The following EXOC6B variants were observed in gnomAD, a reference collection of about 807,000 sequenced individuals.
The protein encoded by EXOC6B is exocyst complex component 6B, also known as SEC15 homolog B.
EXOC6B carries 54 observed loss-of-function variants against 113.5 expected under a neutral mutation model. The ratio of observed to expected loss-of-function variants is 0.48; its 90% CI spans 0.38 to 0.60. The LOEUF (loss-of-function observed/expected upper bound fraction) is 0.60, where lower values mean the gene tolerates loss of function less well. EXOC6B is among the 20% of genes least tolerant of loss of function. The pLI is 0.00. For missense variants in EXOC6B, 797 were observed against 977.5 expected, an observed-to-expected ratio of 0.82 and a Z score of 2.46; for synonymous variants, 357 against 339.0, an observed-to-expected ratio of 1.05 and a Z score of -0.58.
In EXOC6B at chr2:72,489,710, C is replaced by T. The variant is rs112620991; in HGVS notation, c.1665+2608G>A. Among the ~76,000 whole-genome samples, 22 of 152,276 alleles carry T rather than the reference C, an allele frequency of 1.4e-4. 2 individuals carry two copies. Among genetic ancestry groups the T allele is most frequent in the African/African-American group, 4.6e-4 (19 of 41,560 alleles). ...CAGTCTTAACCAATACTCAATTACA[C>T]TTTTCATAGACCTTATGAAGCAGCC... On this transcript the variant is annotated intron_variant, in intron 16 of 21. Coordinates refer to ENST00000272427, the MANE Select transcript of EXOC6B (RefSeq NM_015189.3).
intron 1 of EXOC6B, among the ~76,000 whole-genome samples, chr2:72,743,969 C>T (rs1681523575): frequency 6.6e-6 from 1 of 152,034 alleles, no homozygotes; most frequent in Admixed American, 6.6e-5. Flanking sequence ...TAATGGTGGT[C>T]CCACTGTATT....
At chr2:72,417,716 C>T (rs17008143) in intron 18 of EXOC6B, among the ~76,000 whole-genome samples, 30,565 of 151,986 alleles carry the variant, frequency 0.2, 5,673 homozygotes, top group African/African-American at 0.5. Flanking sequence ...GTCTTTTAAT[C>T]CTCCTGGTGT....
At chr2:72,500,005 A>T in intron 11 of EXOC6B, 33 bp from the exon 12 acceptor site, 1 of 1,346,392 alleles carries the variant, frequency 7.4e-7, no homozygotes, top group Non-Finnish European at 1.0e-6. Flanking sequence ...GAGGAAAAAC[A>T]TGTTATTAGT....
chr2:72,442,739 G>T (rs1696285384), intron 18 of EXOC6B, among the ~76,000 whole-genome samples: 2 of 152,190 alleles, frequency 1.3e-5, no homozygotes, highest in South Asian at 4.1e-4. Flanking sequence ...AGAAATCAGA[G>T]AACACAAATA....
In EXOC6B at chr2:72,586,766, T is replaced by TA. The variant is rs1042855408; in HGVS notation, c.670-11099dup. The stretch of plus-strand genomic sequence containing the variant: ...ACTCCGTCTCAAAAAAATAAAAAAA[T>TA]AAAAAAAAAAGAAGACATTCATCAA... On this transcript the variant is annotated intron_variant, in intron 6 of 21. Coordinates refer to ENST00000272427, the MANE Select transcript of EXOC6B (RefSeq NM_015189.3). Among the ~76,000 whole-genome samples, 271 of 139,434 alleles carry TA rather than the reference T, an allele frequency of 1.9e-3. 2 individuals are homozygous for TA. The highest frequency in any genetic ancestry group is 5.6e-3 in the African/African-American group (212 of 37,980). The allele number at this position is 139,434 out of a possible 152,430, so 91.5% of individuals were successfully genotyped here.
At chr2:72,657,562 C>CCT (rs1674678141) in intron 6 of EXOC6B, among the ~76,000 whole-genome samples, 5 of 41,910 alleles carry the variant, frequency 1.2e-4, no homozygotes, top group African/African-American at 5.8e-4. Context: ...TTCCTCTTTC[C>CCT]TTTTCTTTTT....
At chr2:72,478,189 C>T (rs929779498) in intron 17 of EXOC6B, among the ~76,000 whole-genome samples, 1 of 152,136 alleles carries the variant, frequency 6.6e-6, no homozygotes, top group Non-Finnish European at 1.5e-5. Context: ...AGTAGATACA[C>T]AAGCAATATT....
intron 6 of EXOC6B, among the ~76,000 whole-genome samples, chr2:72,586,579 C>T (rs1487088148): frequency 2.0e-5 from 3 of 151,840 alleles, no homozygotes; most frequent in African/African-American, 4.8e-5. Flanking sequence ...GGTGAAACCC[C>T]GTCTCTATAA....
chr2:72,335,552 AC>A, intron 19 of EXOC6B, among the ~76,000 whole-genome samples: 1 of 4,676 alleles, frequency 2.1e-4, no homozygotes, highest in Non-Finnish European at 9.4e-4. Flanking sequence ...ATTATTGCAC[AC>A]ACACACACAC....
chr2:72,526,133 T>G (rs1229199591), intron 8 of EXOC6B, among the ~76,000 whole-genome samples: 1 of 152,098 alleles, frequency 6.6e-6, no homozygotes, highest in Admixed American at 6.5e-5. Flanking sequence ...ACAAATAACT[T>G]AATCTGTTTC....
chr2:72,398,971 C>A (rs1392278820), intron 18 of EXOC6B, among the ~76,000 whole-genome samples: 1 of 150,018 alleles, frequency 6.7e-6, no homozygotes, highest in Non-Finnish European at 1.5e-5. Context: ...TTCTATGAAG[C>A]CAGTATCACC....
intron 20 of EXOC6B, among the ~76,000 whole-genome samples, chr2:72,249,539 T>C (rs1317424783): frequency 6.6e-6 from 1 of 151,888 alleles, no homozygotes; most frequent in African/African-American, 2.4e-5. Context: ...TGGCACTGAA[T>C]TCTAGGAAAG....
At chr2:72,605,996 T>G (rs1156314735) in intron 6 of EXOC6B, among the ~76,000 whole-genome samples, 1 of 152,036 alleles carries the variant, frequency 6.6e-6, no homozygotes, top group Non-Finnish European at 1.5e-5. Context: ...TGACTTTAGA[T>G]AAAAACCAAA....
intron 6 of EXOC6B, among the ~76,000 whole-genome samples, chr2:72,613,231 C>T (rs1671183535): frequency 6.6e-6 from 1 of 151,994 alleles, no homozygotes; most frequent in African/African-American, 2.4e-5. Context: ...ATCTTGTCTT[C>T]AAACAGGGTC....
chr2:72,380,418 T>G (rs1691611992), intron 18 of EXOC6B, among the ~76,000 whole-genome samples: 1 of 152,128 alleles, frequency 6.6e-6, no homozygotes, highest in East Asian at 1.9e-4. Flanking sequence ...GGCGGGCAGA[T>G]CACAAGGTCA....
At chr2:72,413,691 AAAAAAAAAAAG>A (rs1251138265) in intron 18 of EXOC6B, among the ~76,000 whole-genome samples, 2 of 113,346 alleles carry the variant, frequency 1.8e-5, no homozygotes, top group African/African-American at 8.5e-5. Context: ...CAAAAAAGAA[AAAAAAAAAAAG>A]AAAAAAGAAA....
intron 1 of EXOC6B, among the ~76,000 whole-genome samples, chr2:72,784,882 C>T (rs1403653977): frequency 3.3e-5 from 5 of 152,168 alleles, no homozygotes; most frequent in Admixed American, 2.0e-4. Context: ...CTCATTTCAG[C>T]ATTAACCCAA....
chr2:72,671,859 G>A (rs1483994084), intron 6 of EXOC6B, among the ~76,000 whole-genome samples: 1 of 141,298 alleles, frequency 7.1e-6, no homozygotes, highest in African/African-American at 2.6e-5. Context: ...GGAGGAAGAA[G>A]GAAGGAAGAA....
chr2:72,788,964 A>G (rs1370056777), intron 1 of EXOC6B, among the ~76,000 whole-genome samples: 1 of 152,210 alleles, frequency 6.6e-6, no homozygotes. Context: ...GGACTGAGTC[A>G]CAACTTCCCC....
Sources: gnomAD v4.1 joint callset for allele counts (sites outside exome capture counted in the v4.1 genomes callset) on GRCh38, gnomAD v4.1.1 for gene constraint, MANE v1.5 for transcripts, NCBI Gene and HGNC (gene_info 2026-07-23, HGNC 2026-07-21) for gene names.